The following BMPER variants were observed in gnomAD, a reference collection of about 807,000 sequenced individuals.
BMPER encodes the protein BMP binding endothelial regulator, also known as BMP-binding endothelial regulator protein.
A neutral mutation model predicts 87.3 loss-of-function variants in BMPER; 45 were observed. The observed-to-expected ratio is 0.52, with a 90% confidence interval of 0.41 to 0.66. BMPER has a LOEUF of 0.66. BMPER is among the 30% of genes least tolerant of loss of function. The pLI is 0.00. For missense variants in BMPER, 784 were observed against 867.5 expected (o/e 0.90, Z 1.21); for synonymous variants, 326 against 316.2 (o/e 1.03, Z -0.33).
At chr7:34,101,800 A>G (rs1192366466) in intron 13 of BMPER, among the ~76,000 whole-genome samples, 1 of 152,092 alleles carries the variant, frequency 6.6e-6, no homozygotes, top group Non-Finnish European at 1.5e-5. Flanking sequence ...GGCCCTTCCC[A>G]TATCAGCCTC....
chr7:33,974,267 G>C (rs1243265891), intron 5 of BMPER, among the ~76,000 whole-genome samples: 1 of 152,110 alleles, frequency 6.6e-6, no homozygotes, highest in East Asian at 1.9e-4. Context: ...CGCGATAGAG[G>C]CTGTGCCCTT....
At chr7:34,002,242 G>A (rs1282791857) in intron 6 of BMPER, among the ~76,000 whole-genome samples, 1 of 151,670 alleles carries the variant, frequency 6.6e-6, no homozygotes, top group Non-Finnish European at 1.5e-5. Context: ...TACACATTTT[G>A]TAGAAACTGT....
intron 6 of BMPER, among the ~76,000 whole-genome samples, chr7:34,029,570 C>T (rs1367900945): frequency 6.6e-6 from 1 of 152,040 alleles, no homozygotes; most frequent in Admixed American, 6.6e-5. Flanking sequence ...CACTTGTGGC[C>T]CTATGAGGTC....
At chr7:34,088,559 A>G (rs1277372667) in intron 13 of BMPER, among the ~76,000 whole-genome samples, 1 of 152,216 alleles carries the variant, frequency 6.6e-6, no homozygotes, top group Admixed American at 6.5e-5. Flanking sequence ...GGAAGGGGAC[A>G]GCAAGCTGGA....
chr7:34,131,465 G>A (rs879467782), intron 13 of BMPER, among the ~76,000 whole-genome samples: 7 of 152,152 alleles, frequency 4.6e-5, no homozygotes, highest in African/African-American at 7.2e-5. Flanking sequence ...CGCCTCTGCC[G>A]CCCTTTGATT....
At chr7:34,153,044 A>G in intron 14 of BMPER, 48 bp from the exon 15 acceptor site, 1 of 1,606,748 alleles carries the variant, frequency 6.2e-7, no homozygotes, top group Non-Finnish European at 8.5e-7. Context: ...AGGGTGAATT[A>G]ATGGGGCCTT....
chr7:34,026,240 G>C (rs907478627), intron 6 of BMPER, among the ~76,000 whole-genome samples: 1 of 152,046 alleles, frequency 6.6e-6, no homozygotes, highest in African/African-American at 2.4e-5. Context: ...TGGATCAGTG[G>C]TGGGGAACAG....
chr7:34,036,456 A>G (rs996596731), intron 6 of BMPER, among the ~76,000 whole-genome samples: 7 of 152,156 alleles, frequency 4.6e-5, no homozygotes, highest in African/African-American at 1.7e-4. Flanking sequence ...GAGGCATGGC[A>G]GGAGCTGGCT....
chr7:34,082,760 G>T (rs113131592), intron 12 of BMPER, among the ~76,000 whole-genome samples: 4,993 of 152,236 alleles, frequency 0.033, 263 homozygotes, highest in African/African-American at 0.11. Flanking sequence ...ATTTAGTATA[G>T]CATTGTCAGT....
intron 3 of BMPER, among the ~76,000 whole-genome samples, chr7:33,961,423 T>G (rs1785268621): frequency 6.6e-6 from 1 of 152,186 alleles, no homozygotes; most frequent in South Asian, 2.1e-4. Context: ...GTGAATGACA[T>G]GAGCAGGCCA....
At chr7:34,044,759 G>A (rs1787914989) in intron 6 of BMPER, among the ~76,000 whole-genome samples, 1 of 151,926 alleles carries the variant, frequency 6.6e-6, no homozygotes, top group South Asian at 2.1e-4. Context: ...TTTGGGGGAA[G>A]AATCCAACAT....
At chr7:33,978,642 A>T (rs548031542) in intron 6 of BMPER, among the ~76,000 whole-genome samples, 5 of 152,272 alleles carry the variant, frequency 3.3e-5, no homozygotes, top group Non-Finnish European at 7.4e-5. Flanking sequence ...AGAGGAAGAA[A>T]CACAAAAACG....
intron 3 of BMPER, among the ~76,000 whole-genome samples, chr7:33,947,483 G>A (rs906431061): frequency 1.1e-4 from 16 of 151,892 alleles, no homozygotes; most frequent in African/African-American, 3.4e-4. Flanking sequence ...GTTTTGTCTT[G>A]TTTTTCTATG....
intron 13 of BMPER, among the ~76,000 whole-genome samples, chr7:34,138,320 C>T (rs1583473324): frequency 1.3e-5 from 2 of 152,218 alleles, no homozygotes; most frequent in Admixed American, 1.3e-4. Context: ...ATCCCACTAC[C>T]GTGCCGAGTG....
intron 13 of BMPER, among the ~76,000 whole-genome samples, chr7:34,122,834 A>G (rs939126614): frequency 1.3e-5 from 2 of 152,180 alleles, no homozygotes; most frequent in African/African-American, 4.8e-5. Flanking sequence ...CAAGGTCTGA[A>G]ATAACATTTT....
chr7:34,112,565 T>G (rs1481659204), intron 13 of BMPER, among the ~76,000 whole-genome samples: 1 of 151,470 alleles, frequency 6.6e-6, no homozygotes, highest in African/African-American at 2.4e-5. Context: ...AGAACTGGTT[T>G]TTTCATTTTG....
intron 9 of BMPER, among the ~76,000 whole-genome samples, chr7:34,057,026 C>G (rs571876351): frequency 6.6e-5 from 10 of 152,250 alleles, no homozygotes; most frequent in Non-Finnish European, 1.3e-4. Flanking sequence ...GAACTTGGAA[C>G]AGTCAGGTGT....
intron 3 of BMPER, among the ~76,000 whole-genome samples, chr7:33,952,257 T>A (rs2128613535): frequency 6.6e-6 from 1 of 152,328 alleles, no homozygotes; most frequent in East Asian, 1.9e-4. Flanking sequence ...TTAAAATGAT[T>A]CTGCGTCTGC....
chr7:34,033,162 C>G (rs77790249), intron 6 of BMPER, among the ~76,000 whole-genome samples: 1 of 152,146 alleles, frequency 6.6e-6, no homozygotes, highest in Non-Finnish European at 1.5e-5. Context: ...GTTTCATTCA[C>G]AGAGTCCATA....
Sources: gnomAD v4.1 joint callset for allele counts (sites outside exome capture counted in the v4.1 genomes callset) on GRCh38, gnomAD v4.1.1 for gene constraint, MANE v1.5 for transcripts, NCBI Gene and HGNC (gene_info 2026-07-23, HGNC 2026-07-21) for gene names.